TNN: variants seen among roughly 807,000 people sequenced by gnomAD.
The protein encoded by TNN is tenascin-N.
Under a neutral mutation model 134.4 loss-of-function variants are expected in TNN, and 122 were observed. The observed-to-expected ratio is 0.91, with a 90% CI of 0.78 to 1.06. The LOEUF is 1.06. TNN is among the 50% of genes least tolerant of loss of function. The probability of loss-of-function intolerance (pLI) is 0.00; values close to 1 mark genes in which losing one functional copy is unlikely to be tolerated. For synonymous variants in TNN, 710 were observed against 670.3 expected (o/e 1.06, Z -0.91); for missense variants, 1,739 against 1,699.4 (o/e 1.02, Z -0.41).
intron 4 of TNN, among the ~76,000 whole-genome samples, chr1:175,081,753 T>A (rs1354153369): frequency 6.6e-6 from 1 of 151,370 alleles, no homozygotes; most frequent in African/African-American, 2.5e-5. Context: ...ACCATAGAGG[T>A]ATCTCAGTAA....
intron 9 of TNN, among the ~76,000 whole-genome samples, chr1:175,113,170 C>T (rs962616922): frequency 6.6e-6 from 1 of 152,166 alleles, no homozygotes; most frequent in African/African-American, 2.4e-5. Context: ...TCTATGTTCT[C>T]ATGATTGTGA....
chr1:175,096,901 T>G (rs1271460400), intron 7 of TNN, among the ~76,000 whole-genome samples: 3 of 152,210 alleles, frequency 2.0e-5, no homozygotes, highest in Non-Finnish European at 4.4e-5. Flanking sequence ...TTGATTCTTT[T>G]TATTAGACCA....
chr1:175,119,732 T>G (rs1675299297), intron 11 of TNN, among the ~76,000 whole-genome samples: 2 of 149,960 alleles, frequency 1.3e-5, no homozygotes, highest in Admixed American at 1.3e-4. Flanking sequence ...CCTCCCGGGT[T>G]CATGCCATTC....
chr1:175,080,504 G>A (rs990533625), intron 4 of TNN, 78 bp downstream of exon 4: 1 of 1,557,472 alleles, frequency 6.4e-7, no homozygotes, highest in Non-Finnish European at 8.7e-7. Flanking sequence ...AACACCTGTA[G>A]GCAGTTGCCT....
intron 10 of TNN, 58 bp from the exon 11 acceptor site, chr1:175,118,503 A>G: frequency 1.9e-6 from 3 of 1,593,154 alleles, no homozygotes; most frequent in Non-Finnish European, 2.6e-6. Context: ...AATGACCACC[A>G]GTTTCTGCAC....
intron 13 of TNN, 109 bp downstream of exon 13, chr1:175,127,194 C>G (rs1346731937): frequency 2.9e-6 from 4 of 1,356,948 alleles, no homozygotes; most frequent in African/African-American, 1.5e-5. Context: ...CTGATCTTTA[C>G]TGATCACATT....
rs749007539 is a variant in TNN at position 175,116,925 on chromosome 1, ATT to A, written c.2120-5_2120-4del. On this transcript the variant is annotated splice_polypyrimidine_tract_variant and intron_variant, in intron 9 of 18. Coordinates refer to ENST00000239462, the MANE Select transcript of TNN (RefSeq NM_022093.2). The stretch of plus-strand genomic sequence containing the variant: ...AGTTCATAGTGTTCATTGATCAGCA[ATT>A]TTTTTTTTCAGACATTGACAGCCCC... 5 of 1,550,278 alleles carry A rather than the reference ATT, an allele frequency of 3.2e-6. No homozygotes were observed. The highest frequency in any genetic ancestry group is 4.4e-6 in the Non-Finnish European group (5 of 1,130,296).
intron 6 of TNN, among the ~76,000 whole-genome samples, chr1:175,087,958 G>A (rs1334992094): frequency 6.6e-6 from 1 of 152,188 alleles, no homozygotes; most frequent in Non-Finnish European, 1.5e-5. Flanking sequence ...CAAAGATCCA[G>A]GTGAAGAACC....
chr1:175,068,763 C>T lies in TNN; in HGVS notation c.-36+828C>T, dbSNP rs573872297. On this transcript the variant is annotated intron_variant, in intron 1 of 18. Transcript: ENST00000239462. ...CTCTACTAAAAATACAAAAAATTAG[C>T]CGGGCGTGGTGGCGCATGCCTATAA... Among the ~76,000 whole-genome samples, 11 of 152,192 alleles carry T rather than the reference C, an allele frequency of 7.2e-5. No individual in the cohort carries two copies. The South Asian group carries it at 8.3e-4, about 11-fold the overall frequency.
intron 11 of TNN, among the ~76,000 whole-genome samples, chr1:175,119,629 C>CTTTTTTTTTTT (rs757564360): frequency 7.5e-6 from 1 of 133,496 alleles, no homozygotes; most frequent in South Asian, 2.3e-4. Context: ...CCATGAATGC[C>CTTTTTTTTTTT]TTTTTTTTCT....
intron 9 of TNN, among the ~76,000 whole-genome samples, chr1:175,113,440 A>G (rs1425847202): frequency 6.6e-6 from 1 of 152,090 alleles, no homozygotes; most frequent in African/African-American, 2.4e-5. Context: ...GTCTAATGGG[A>G]TTCCCTTATA....
chr1:175,095,584 T>C (rs181452445), intron 7 of TNN, among the ~76,000 whole-genome samples: 7 of 152,276 alleles, frequency 4.6e-5, no homozygotes, highest in African/African-American at 7.2e-5. Flanking sequence ...GTTTGTTTTG[T>C]TTTGTTTGAG....
At chr1:175,091,844 C>A (rs1674456965) in intron 6 of TNN, among the ~76,000 whole-genome samples, 1 of 152,148 alleles carries the variant, frequency 6.6e-6, no homozygotes. Flanking sequence ...CCCAGCTTCA[C>A]CTCCCAAAGT....
rs1251042278 is a variant in TNN, at chr1:175,105,642, G to A, written c.2119+7047G>A. Among the ~76,000 whole-genome samples, 4 of 145,664 alleles carry A rather than the reference G, an allele frequency of 2.7e-5. 2 individuals carry two copies. The East Asian group carries it at 9.2e-4, about 34-fold the overall frequency. ...GTATTGTAATTTGTGCTTCCCTCAGGTGGCCATTTTTCCCCATCAGAAAGA... is the reference window on the plus strand; with the variant it reads ...GTATTGTAATTTGTGCTTCCCTCAGATGGCCATTTTTCCCCATCAGAAAGA... On this transcript the variant is annotated intron_variant, in intron 9 of 18. Coordinates refer to ENST00000239462, the MANE Select transcript of TNN (RefSeq NM_022093.2).
chr1:175,139,925 G>A (rs1299614657), intron 17 of TNN, among the ~76,000 whole-genome samples: 1 of 152,200 alleles, frequency 6.6e-6, no homozygotes, highest in Non-Finnish European at 1.5e-5. Context: ...CTTATGCAGG[G>A]CATGACTGTA....
intron 9 of TNN, among the ~76,000 whole-genome samples, chr1:175,116,235 G>A (rs79199137): frequency 0.025 from 3,843 of 151,970 alleles, 153 homozygotes; most frequent in African/African-American, 0.088. Flanking sequence ...TTCTTGTGGA[G>A]AAAATTGAGG....
rs772133091 is a variant in TNN at position 175,079,436 on chromosome 1, C to T, written c.513C>T (p.Cys171=). 1.3e-5 allele frequency: 21 copies of T among 1,582,118 alleles called. No homozygotes were observed. The highest frequency in any genetic ancestry group is 1.8e-5 in the Non-Finnish European group (21 of 1,167,484). Residue 171 remains cysteine, a synonymous_variant, in exon 3 of 19, where the codon TGC becomes TGT. Transcript: ENST00000239462. The part of the protein sequence containing the change: ...REGPACERLA[C]PGACSGHGRC... ...GCCCCGCCTGCGAGCGGCTGGCCTG[C>T]CCCGGGGCGTGCAGCGGCCACGGGC...
Position 175,135,861 on chromosome 1 carries a change from A to G in TNN, c.3347A>G (p.Asn1116Ser). 1 of 1,613,868 alleles carries G rather than the reference A, an allele frequency of 6.2e-7. No individual in the cohort carries two copies. Among genetic ancestry groups the G allele is most frequent in the Non-Finnish European group, 8.5e-7 (1 of 1,179,796 alleles). The change falls in exon 16 of 19, where the codon AAC becomes AGC. Residue 1116 changes from asparagine to serine, a missense_variant. Physicochemically the swap from Asn to Ser is conservative, Grantham distance 46. Transcript: ENST00000239462. ...GGGWIVFQRR[N>S]TGQLDFFKRW... ...CCTTCTCAGGTCTTCCAGAGGCGGA[A>G]CACTGGGCAGCTGGATTTCTTCAAG...
chr1:175,123,372 T>G, intron 11 of TNN, 28 bp from the exon 12 acceptor site: 1 of 1,612,148 alleles, frequency 6.2e-7, no homozygotes, highest in Non-Finnish European at 8.5e-7. Flanking sequence ...GTTCTAAAGT[T>G]CAGCCTTTTC....
Sources: allele counts gnomAD v4.1 joint callset (sites outside exome capture counted in the v4.1 genomes callset), GRCh38; gene constraint gnomAD v4.1.1; transcripts MANE v1.5; gene names NCBI Gene and HGNC (gene_info 2026-07-23, HGNC 2026-07-21).